Variants in LPAR1 observed in about 807,000 individuals in gnomAD.
LPAR1 encodes the protein LPA receptor 1.
LPAR1 carries 5 observed loss-of-function variants against 23.8 expected under a neutral mutation model. The observed-to-expected ratio is 0.21, with a 90% CI of 0.11 to 0.44. The LOEUF (loss-of-function observed/expected upper bound fraction) is 0.44. Ranked by LOEUF, LPAR1 falls within the 20% of genes least tolerant of loss-of-function variation. The probability of loss-of-function intolerance (pLI) is 0.99; values close to 1 mark genes in which losing one functional copy is unlikely to be tolerated. For missense variants in LPAR1, 311 were observed against 482.8 expected (o/e 0.64, Z 3.33); for synonymous variants, 160 against 164.7 (o/e 0.97, Z 0.22).
chr9:110,899,381 A>T (rs1237236822), intron 5 of LPAR1, among the ~76,000 whole-genome samples: 1 of 152,196 alleles, frequency 6.6e-6, no homozygotes, highest in Non-Finnish European at 1.5e-5. Flanking sequence ...TCCATAAATA[A>T]TATCAAGCAG....
intron 4 of LPAR1, among the ~76,000 whole-genome samples, chr9:110,953,768 C>A (rs182969062): frequency 6.6e-6 from 1 of 152,108 alleles, no homozygotes; most frequent in Non-Finnish European, 1.5e-5. Context: ...CCAAAGTGAC[C>A]TACACAACCA....
chr9:110,946,628 C>T (rs971460248), intron 4 of LPAR1, among the ~76,000 whole-genome samples: 2 of 151,756 alleles, frequency 1.3e-5, no homozygotes, highest in Admixed American at 1.3e-4. Context: ...ACACTTCCTT[C>T]GTAGAGAAAG....
chr9:110,886,196 C>T (rs2148586), intron 5 of LPAR1, among the ~76,000 whole-genome samples: 1 of 79,946 alleles, frequency 1.3e-5, no homozygotes. Flanking sequence ...AAAAATCCAT[C>T]TCAAAAAAAA....
intron 5 of LPAR1, among the ~76,000 whole-genome samples, chr9:110,894,140 G>A (rs188125699): frequency 6.6e-6 from 1 of 151,954 alleles, no homozygotes; most frequent in Non-Finnish European, 1.5e-5. Context: ...ATTCACATGG[G>A]AACTTAAGAA....
intron 2 of LPAR1, among the ~76,000 whole-genome samples, chr9:110,984,765 C>T (rs1322884475): frequency 2.1e-5 from 3 of 142,688 alleles, no homozygotes; most frequent in Admixed American, 1.4e-4. Flanking sequence ...GTGATAGTAA[C>T]GGTGACAAAA....
chr9:111,032,609 T>C (rs1309215532), intron 2 of LPAR1, among the ~76,000 whole-genome samples: 2 of 152,142 alleles, frequency 1.3e-5, no homozygotes, highest in African/African-American at 4.8e-5. Flanking sequence ...TATCCTTCAA[T>C]TAGAGCAGAA....
intron 2 of LPAR1, among the ~76,000 whole-genome samples, chr9:110,975,336 C>T (rs956426111): frequency 9.2e-5 from 14 of 152,094 alleles, no homozygotes; most frequent in African/African-American, 2.9e-4. Context: ...GGGAAAGATG[C>T]GAGACTGGGA....
chr9:110,885,950 C>A (rs2082251234), intron 5 of LPAR1, among the ~76,000 whole-genome samples: 2 of 152,150 alleles, frequency 1.3e-5, no homozygotes, highest in Admixed American at 1.3e-4. Flanking sequence ...GTAATTCCAG[C>A]ACTTTGGGAG....
intron 2 of LPAR1, among the ~76,000 whole-genome samples, chr9:111,035,155 A>G (rs935341456): frequency 2.6e-5 from 4 of 152,296 alleles, no homozygotes; most frequent in African/African-American, 9.6e-5. Flanking sequence ...AAGGAATTCA[A>G]TAATTGTTTG....
chr9:110,929,578 G>A (rs577363375), intron 5 of LPAR1, among the ~76,000 whole-genome samples: 74 of 152,092 alleles, frequency 4.9e-4, no homozygotes, highest in Middle Eastern at 3.4e-3. Context: ...GTAAATAAGT[G>A]AAACTTCTTG....
chr9:111,021,963 C>CAAAAAA (rs3030187), intron 2 of LPAR1, among the ~76,000 whole-genome samples: 4 of 69,842 alleles, frequency 5.7e-5, no homozygotes, highest in Non-Finnish European at 5.1e-5. Context: ...GACTCCGTCA[C>CAAAAAA]AAAAAAAAAA....
rs35426082 is a variant in LPAR1 at position 110,964,853 on chromosome 9, CTTTTTTTTTT to C, written c.45+7210_45+7219del. 3.0e-4 allele frequency among the ~76,000 whole-genome samples: 20 copies of C among 67,110 alleles called. No individual in the cohort carries two copies. In the East Asian group the frequency reaches 7.2e-3, roughly 24 times the overall value. The allele number at this position is 67,110 out of a possible 152,430, so 44.0% of individuals were successfully genotyped here. A position where few individuals can be genotyped will look rare whatever the true frequency, so the allele number is the denominator to read the frequency against. On this transcript the variant is annotated intron_variant, in intron 4 of 5. Transcript: ENST00000683809. ...AAAGACAACAAACAGACACCAATCACTTTTTTTTTTTTTTTTTTTTTTTTTTTTGAGACAG... is the reference window on the plus strand; with the variant it reads ...AAAGACAACAAACAGACACCAATCACTTTTTTTTTTTTTTTTTTGAGACAG...
intron 5 of LPAR1, among the ~76,000 whole-genome samples, chr9:110,932,141 G>A (rs1046203152): frequency 2.0e-5 from 3 of 152,058 alleles, no homozygotes; most frequent in Non-Finnish European, 4.4e-5. Context: ...TTGGCTACCT[G>A]GGTATATTAC....
In LPAR1 at chr9:110,889,119, T is replaced by C. The variant is rs543189331; in HGVS notation, c.794-13397A>G. ...GCTCTCACCTGTAATCCCAGCACTT[T>C]GGGAGGCCGAGGCGGGCAGATCACG... On this transcript the variant is annotated intron_variant, in intron 5 of 5. Coordinates refer to ENST00000683809, the MANE Select transcript of LPAR1 (RefSeq NM_001351411.2). 7.2e-5 allele frequency among the ~76,000 whole-genome samples: 11 copies of C among 152,314 alleles called. No homozygotes were observed. In the East Asian group the frequency reaches 2.1e-3, roughly 29 times the overall value.
At chr9:110,961,525 C>T (rs965543099) in intron 4 of LPAR1, among the ~76,000 whole-genome samples, 1 of 140,712 alleles carries the variant, frequency 7.1e-6, no homozygotes, top group Non-Finnish European at 1.5e-5. Context: ...GAGGCTGAGA[C>T]AGGAGAATCG....
At chr9:110,875,745 C>T (rs761188418) in intron 5 of LPAR1, 23 bp from the exon 6 acceptor site, 2 of 1,382,836 alleles carry the variant, frequency 1.4e-6, no homozygotes, top group East Asian at 4.8e-5. Context: ...GGATAGGGAT[C>T]AGAAGGATTT....
chr9:110,957,628 T>C (rs1227530118), intron 4 of LPAR1, among the ~76,000 whole-genome samples: 1 of 152,070 alleles, frequency 6.6e-6, no homozygotes, highest in African/African-American at 2.4e-5. Flanking sequence ...ACAGCTAACA[T>C]CATATTGAAT....
At chr9:110,978,499 C>CT (rs368659544) in intron 2 of LPAR1, among the ~76,000 whole-genome samples, 48 of 152,252 alleles carry the variant, frequency 3.2e-4, no homozygotes, top group Middle Eastern at 3.4e-3. Context: ...AAAACTATTA[C>CT]AGATATACAA....
intron 5 of LPAR1, among the ~76,000 whole-genome samples, chr9:110,936,834 C>T (rs1247532714): frequency 6.6e-6 from 1 of 152,092 alleles, no homozygotes; most frequent in African/African-American, 2.4e-5. Flanking sequence ...CTCTAAGTAT[C>T]CTGGACAGAA....
Sources: allele counts gnomAD v4.1 joint callset (sites outside exome capture counted in the v4.1 genomes callset), GRCh38; gene constraint gnomAD v4.1.1; transcripts MANE v1.5; gene names NCBI Gene and HGNC (gene_info 2026-07-23, HGNC 2026-07-21).